The following NRF1 variants were observed in gnomAD, a reference collection of about 807,000 sequenced individuals.
NRF1 encodes nuclear respiratory factor 1.
A neutral mutation model predicts 58.5 loss-of-function variants in NRF1; 5 were observed. The ratio of observed to expected loss-of-function variants is 0.09; its 90% CI spans 0.04 to 0.18. NRF1 has a LOEUF of 0.18. Among genes scored for constraint, NRF1 ranks in the 10% least tolerant of loss-of-function variants. The pLI is 1.00. For missense variants in NRF1, 288 were observed against 657.7 expected (o/e 0.44, Z 6.15); for synonymous variants, 224 against 246.7 (o/e 0.91, Z 0.86).
chr7:129,691,918 C>T (rs759844710), intron 5 of NRF1, among the ~76,000 whole-genome samples: 1 of 152,128 alleles, frequency 6.6e-6, no homozygotes, highest in African/African-American at 2.4e-5. Context: ...TGTTAGATGT[C>T]TGGTCCTCAC....
chr7:129,630,627 G>T (rs1298378484), intron 1 of NRF1, among the ~76,000 whole-genome samples: 1 of 152,098 alleles, frequency 6.6e-6, no homozygotes, highest in Non-Finnish European at 1.5e-5. Flanking sequence ...CTTCTTTCTT[G>T]TTTTGTCGTT....
At chr7:129,623,282 C>T (rs1236924072) in intron 1 of NRF1, among the ~76,000 whole-genome samples, 1 of 151,920 alleles carries the variant, frequency 6.6e-6, no homozygotes, top group Non-Finnish European at 1.5e-5. Context: ...TAGCATTGGT[C>T]TTTTATTTTA....
intron 10 of NRF1, among the ~76,000 whole-genome samples, chr7:129,749,824 G>GT (rs1025306147): frequency 7.7e-4 from 112 of 146,080 alleles, no homozygotes; most frequent in African/African-American, 1.0e-3. Flanking sequence ...CTGTGTTGAG[G>GT]TTTTTTTTTT....
At chr7:129,663,806 G>T (rs936365657) in intron 2 of NRF1, among the ~76,000 whole-genome samples, 2 of 152,210 alleles carry the variant, frequency 1.3e-5, no homozygotes, top group African/African-American at 4.8e-5. Flanking sequence ...AGCGAGCCAA[G>T]ATCACGCCAC....
intron 5 of NRF1, among the ~76,000 whole-genome samples, chr7:129,700,669 G>A (rs1802800504): frequency 6.6e-6 from 1 of 152,232 alleles, no homozygotes; most frequent in African/African-American, 2.4e-5. Flanking sequence ...TGTAATCCCA[G>A]CACTTTGGGA....
At position 129,745,511 on chromosome 7, in the gene NRF1, C is replaced by CG. The variant is rs1009190445; in HGVS notation, c.1349-9507_1349-9506insG. ...TCCCCAAACCATCCCCCTCAACCCC[C>CG]CCCCCATCCATGGAAATACTGTCTT... On this transcript the variant is annotated intron_variant, in intron 10 of 10. Coordinates refer to ENST00000393232, the MANE Select transcript of NRF1 (RefSeq NM_005011.5). Among the ~76,000 whole-genome samples the CG allele has an allele frequency of 4.7e-5, 7 of 149,352 alleles. No individual in the cohort carries two copies. The South Asian group carries it at 1.1e-3, about 23-fold the overall frequency.
At chr7:129,703,211 TGTACTGACCAAGCTAGA>T (rs1802873804) in intron 5 of NRF1, among the ~76,000 whole-genome samples, 1 of 152,338 alleles carries the variant, frequency 6.6e-6, no homozygotes, top group South Asian at 2.1e-4. Context: ...TTGGTGTGGC[TGTACTGACCAAGCTAGA>T]GTACCTTAGG....
chr7:129,639,729 G>A (rs914027068), intron 1 of NRF1, among the ~76,000 whole-genome samples: 5 of 151,960 alleles, frequency 3.3e-5, no homozygotes, highest in African/African-American at 1.2e-4. Flanking sequence ...TGTGTCTTTA[G>A]TAGAAACAGG....
intron 3 of NRF1, 105 bp from the exon 4 acceptor site, chr7:129,677,527 A>G: frequency 1.0e-6 from 1 of 997,974 alleles, no homozygotes; most frequent in Non-Finnish European, 1.5e-6. Context: ...TTTACGTAAA[A>G]GAGCATATCT....
In NRF1 at chr7:129,743,199, A is replaced by G. The variant is rs180869250; in HGVS notation, c.1349-11819A>G. Among the ~76,000 whole-genome samples, 954 of 150,974 alleles carry G rather than the reference A, an allele frequency of 6.3e-3. 5 individuals are homozygous for G. The highest frequency in any genetic ancestry group is 7.1e-3 in the Non-Finnish European group (482 of 67,860). On this transcript the variant is annotated intron_variant, in intron 10 of 10. Coordinates refer to ENST00000393232, the MANE Select transcript of NRF1 (RefSeq NM_005011.5). ...TTAAAAAAAAAAAAAAACCTGAATT[A>G]TAACAATGAAAAGGAAATTTAATTT...
At chr7:129,619,512 A>G (rs1216287083) in intron 1 of NRF1, among the ~76,000 whole-genome samples, 6 of 119,740 alleles carry the variant, frequency 5.0e-5, no homozygotes, top group East Asian at 5.5e-4. Flanking sequence ...ATATATATAT[A>G]TGTATTGTTT....
At chr7:129,733,465 C>CA (rs11378403) in intron 10 of NRF1, among the ~76,000 whole-genome samples, 44,855 of 143,424 alleles carry the variant, frequency 0.31, 6,870 homozygotes, top group Admixed American at 0.39. Flanking sequence ...GACTCCGTCT[C>CA]AAAAAAAAAA....
At chr7:129,727,457 T>A in intron 10 of NRF1, 92 bp downstream of exon 10, 1 of 1,359,330 alleles carries the variant, frequency 7.4e-7, no homozygotes, top group Non-Finnish European at 9.8e-7. Flanking sequence ...AGAAAGAGTT[T>A]GAGCTTCGAT....
At chr7:129,721,079 G>A (rs77574321) in intron 9 of NRF1, among the ~76,000 whole-genome samples, 65 of 152,022 alleles carry the variant, frequency 4.3e-4, no homozygotes, top group Non-Finnish European at 8.5e-4. Context: ...CAACCAGAGA[G>A]GAAAGGAAGT....
chr7:129,656,029 A>G lies in NRF1; in HGVS notation c.-6-1317A>G, dbSNP rs73159619. Among the ~76,000 whole-genome samples, 682 of 152,116 alleles carry G rather than the reference A, an allele frequency of 4.5e-3. 1 individual carries two copies. The highest frequency in any genetic ancestry group is 8.1e-3 in the Admixed American group (124 of 15,288). On this transcript the variant is annotated intron_variant, in intron 1 of 10. Transcript: ENST00000393232. ...ATCGATGGTCACTTGGGTTGCTTCC[A>G]CATTTTGGCTGTTGCGAATAAAGCT... is the stretch of plus-strand genomic sequence containing the variant.
rs1803839609 is a variant in NRF1 at position 129,741,279 on chromosome 7, C to T, written c.1349-13739C>T. On this transcript the variant is annotated intron_variant, in intron 10 of 10. Transcript: ENST00000393232. This position sits in a 1 kb window ranked among gnomAD's most constrained non-coding sequence, Gnocchi z 4.0. Reference sequence around the variant, plus strand: ...GTCCCTGCCATCTGGCAGATGGACACCACTGACTGTGGTCTCCTCTCCATC... The same window carrying T: ...GTCCCTGCCATCTGGCAGATGGACATCACTGACTGTGGTCTCCTCTCCATC... Among the ~76,000 whole-genome samples, 1 of 152,156 alleles carries T rather than the reference C, an allele frequency of 6.6e-6. No homozygotes were observed. Among genetic ancestry groups the T allele is most frequent in the African/African-American group, 2.4e-5 (1 of 41,432 alleles).
chr7:129,717,843 G>C (rs1027481455), intron 9 of NRF1, among the ~76,000 whole-genome samples: 3 of 152,152 alleles, frequency 2.0e-5, no homozygotes, highest in South Asian at 2.1e-4. Context: ...GTTTTCAAGG[G>C]ATACAGAACA....
intron 10 of NRF1, 131 bp downstream of exon 10, chr7:129,727,496 T>A (rs1402000544): frequency 6.1e-6 from 5 of 825,736 alleles, no homozygotes; most frequent in African/African-American, 1.8e-5. Context: ...AGACATTTCA[T>A]GCCTAGGAAT....
chr7:129,702,386 T>C (rs1802846999), intron 5 of NRF1, among the ~76,000 whole-genome samples: 1 of 152,206 alleles, frequency 6.6e-6, no homozygotes, highest in Non-Finnish European at 1.5e-5. Context: ...TGAAGTTACG[T>C]TGATCTTTTC....
Sources: gnomAD v4.1 joint callset for allele counts (sites outside exome capture counted in the v4.1 genomes callset) on GRCh38, gnomAD v4.1.1 for gene constraint, Gnocchi (gnomAD v3.1) non-coding constraint, MANE v1.5 for transcripts, NCBI Gene and HGNC (gene_info 2026-07-23, HGNC 2026-07-21) for gene names.